Variants in GLIS3 observed in about 807,000 individuals in gnomAD.
The protein encoded by GLIS3 is GLIS family zinc finger 3.
In GLIS3, 53 loss-of-function variants were observed where a neutral mutation model predicts 78.6. The ratio of observed to expected loss-of-function variants is 0.67; its 90% CI spans 0.54 to 0.85. The LOEUF (loss-of-function observed/expected upper bound fraction) is 0.85, where lower values mean the gene tolerates loss of function less well. GLIS3 is among the 40% of genes least tolerant of loss of function. GLIS3 has a pLI of 0.00. For synonymous variants in GLIS3, 684 were observed against 509.9 expected (o/e 1.34, Z -4.60); for missense variants, 1,703 against 1,231.1 (o/e 1.38, Z -5.74).
chr9:4,166,666 T>A (rs1234230713), intron 2 of GLIS3, among the ~76,000 whole-genome samples: 1 of 152,200 alleles, frequency 6.6e-6, no homozygotes, highest in Admixed American at 6.5e-5. Context: ...TGGCACTATT[T>A]ATGATTTTCG....
At chr9:3,924,694 G>C (rs1825108857) in intron 6 of GLIS3, among the ~76,000 whole-genome samples, 1 of 152,204 alleles carries the variant, frequency 6.6e-6, no homozygotes, top group Non-Finnish European at 1.5e-5. Flanking sequence ...CTACCAGAGG[G>C]AGCAGTAATT....
intron 2 of GLIS3, among the ~76,000 whole-genome samples, chr9:4,276,874 A>T (rs574706841): frequency 6.6e-6 from 1 of 152,342 alleles, no homozygotes; most frequent in Non-Finnish European, 1.5e-5. Flanking sequence ...AGACAAAATG[A>T]AAACTCTGGC....
chr9:3,888,076 T>G (rs1403100618), intron 7 of GLIS3, among the ~76,000 whole-genome samples: 3 of 152,136 alleles, frequency 2.0e-5, no homozygotes, highest in Non-Finnish European at 4.4e-5. Context: ...ATCTGTCATT[T>G]CCTCCTGGTC....
At chr9:3,949,276 C>A (rs117641908) in intron 4 of GLIS3, among the ~76,000 whole-genome samples, 3 of 152,192 alleles carry the variant, frequency 2.0e-5, no homozygotes, top group Non-Finnish European at 4.4e-5. Flanking sequence ...CTGAGCACAG[C>A]GTTAAACCAT....
chr9:4,269,050 T>C (rs1826268996), intron 2 of GLIS3, among the ~76,000 whole-genome samples: 1 of 152,236 alleles, frequency 6.6e-6, no homozygotes, highest in African/African-American at 2.4e-5. Context: ...CTGGCTAACA[T>C]ACCATCACAT....
At chr9:4,062,639 G>A (rs1164246707) in intron 4 of GLIS3, among the ~76,000 whole-genome samples, 6 of 152,156 alleles carry the variant, frequency 3.9e-5, no homozygotes, top group Non-Finnish European at 8.8e-5. Flanking sequence ...ATGTAAGAAT[G>A]TGAAGTGGCC....
At chr9:4,378,489 G>A in the GLIS3 span, among the ~76,000 whole-genome samples, 9 of 151,978 alleles carry the variant, frequency 5.9e-5, no homozygotes, top group African/African-American at 1.7e-4. Context: ...GGAAGAGAAG[G>A]CCTTAAAATA....
chr9:4,095,340 G>C (rs1165267150), intron 4 of GLIS3, among the ~76,000 whole-genome samples: 2 of 152,124 alleles, frequency 1.3e-5, no homozygotes, highest in African/African-American at 4.8e-5. Context: ...TTTCAGGAGA[G>C]ATAGTAATGA....
In GLIS3 at chr9:4,032,328, AG is replaced by A. The variant is rs139280402; in HGVS notation, c.1710+85439del. Among the ~76,000 whole-genome samples, 1,467 of 152,330 alleles carry A rather than the reference AG, an allele frequency of 9.6e-3. 26 individuals are homozygous for A. Among genetic ancestry groups the A allele is most frequent in the African/African-American group, 0.034 (1,405 of 41,568 alleles). ...TGGCTCTAAAATCTGCATTCCAGCT[AG>A]GAACTTTGGTCCTTAGCAGCGTAAT... On this transcript the variant is annotated intron_variant, in intron 4 of 10. Coordinates refer to ENST00000381971, the MANE Select transcript of GLIS3 (RefSeq NM_001042413.2).
At chr9:4,076,859 C>T (rs375567687) in intron 4 of GLIS3, among the ~76,000 whole-genome samples, 17 of 152,102 alleles carry the variant, frequency 1.1e-4, no homozygotes, top group Non-Finnish European at 1.9e-4. Context: ...GAGTTTGAGA[C>T]GAGCTTGGGC....
chr9:4,462,613 ACACACACACACACACACACAGACACG>A, the GLIS3 span, among the ~76,000 whole-genome samples: 2 of 149,850 alleles, frequency 1.3e-5, no homozygotes, highest in African/African-American at 5.0e-5. Flanking sequence ...ACACACACAC[ACACACACACACACACACACAGACACG>A]CACACACACA....
rs148787999 is a variant in GLIS3 at position 4,003,580 on chromosome 9, T to C, written c.1711-66391A>G. ...GTTGACAGTTCCAAGCTTCCAACGA[T>C]TCCTTCTAACATCTTGCTCAATGTT... On this transcript the variant is annotated intron_variant, in intron 4 of 10. Coordinates refer to ENST00000381971, the MANE Select transcript of GLIS3 (RefSeq NM_001042413.2). Among the ~76,000 whole-genome samples, 567 of 152,316 alleles carry C rather than the reference T, an allele frequency of 3.7e-3. 1 individual carries two copies. The highest frequency in any genetic ancestry group is 0.013 in the African/African-American group (533 of 41,574).
intron 4 of GLIS3, chr9:4,071,621 A>T (rs1827621971): frequency 6.6e-6 from 1 of 152,216 alleles, no homozygotes; most frequent in South Asian, 2.1e-4. Flanking sequence ...ACTATGCAAA[A>T]GCTTAAAATG....
At chr9:4,163,401 T>A (rs1176315510) in intron 2 of GLIS3, among the ~76,000 whole-genome samples, 1 of 152,278 alleles carries the variant, frequency 6.6e-6, no homozygotes, top group East Asian at 1.9e-4. Context: ...AATTTCATTT[T>A]ACAGATGAAC....
intron 2 of GLIS3, among the ~76,000 whole-genome samples, chr9:4,156,205 C>T (rs916742561): frequency 6.6e-6 from 1 of 152,146 alleles, no homozygotes; most frequent in Non-Finnish European, 1.5e-5. Context: ...CATGACAAAA[C>T]AAACTCTCCT....
At chr9:4,020,327 T>C (rs1822782099) in intron 4 of GLIS3, among the ~76,000 whole-genome samples, 1 of 152,140 alleles carries the variant, frequency 6.6e-6, no homozygotes, top group African/African-American at 2.4e-5. Context: ...TTTTGTTTTT[T>C]TCTTAAGACT....
At chr9:3,965,689 C>T (rs510807) in intron 4 of GLIS3, among the ~76,000 whole-genome samples, 1 of 151,814 alleles carries the variant, frequency 6.6e-6, no homozygotes, top group East Asian at 1.9e-4. Context: ...TTCCAAACCC[C>T]GCTATGTTCC....
rs566793936 is a variant in GLIS3, at chr9:4,193,568, G to A, written c.389-67627C>T. Reference sequence around the variant, plus strand: ...CGGCTTAACTAGGTTAGTGGTAACAGGAATGCAAAGGGCAGGGCAGTTTCA... The same window carrying A: ...CGGCTTAACTAGGTTAGTGGTAACAAGAATGCAAAGGGCAGGGCAGTTTCA... On this transcript the variant is annotated intron_variant, in intron 2 of 10. Transcript: ENST00000381971. Among the ~76,000 whole-genome samples, 32 of 152,340 alleles carry A rather than the reference G, an allele frequency of 2.1e-4. No homozygotes were observed. In the South Asian group the frequency reaches 5.0e-3, roughly 24 times the overall value.
chr9:4,468,107 T>C, the GLIS3 span, among the ~76,000 whole-genome samples: 4 of 152,012 alleles, frequency 2.6e-5, no homozygotes, highest in East Asian at 5.8e-4. Flanking sequence ...AAAAAAGAAA[T>C]GAACAAAGCC....
Sources: gnomAD v4.1 joint callset for allele counts (sites outside exome capture counted in the v4.1 genomes callset) on GRCh38, gnomAD v4.1.1 for gene constraint, MANE v1.5 for transcripts, NCBI Gene and HGNC (gene_info 2026-07-23, HGNC 2026-07-21) for gene names.